Variants in ASTN2 observed in about 807,000 individuals in gnomAD.
ASTN2 encodes astrotactin 2.
Under a neutral mutation model 139.8 loss-of-function variants are expected in ASTN2, and 54 were observed. The observed-to-expected ratio is 0.39, with a 90% CI of 0.31 to 0.48. The LOEUF (loss-of-function observed/expected upper bound fraction) is 0.48. Ranked by LOEUF, ASTN2 falls within the 20% of genes least tolerant of loss-of-function variation. ASTN2 has a pLI of 0.95. For synonymous variants in ASTN2, 756 were observed against 719.5 expected, an observed-to-expected ratio of 1.05 and a Z score of -0.81; for missense variants, 1,565 against 1,725.1, an observed-to-expected ratio of 0.91 and a Z score of 1.64.
chr9:117,410,324 G>T (rs986598955), intron 1 of ASTN2, among the ~76,000 whole-genome samples: 2 of 152,098 alleles, frequency 1.3e-5, no homozygotes, highest in African/African-American at 4.8e-5. Context: ...TGACATACAG[G>T]TTCACCTTAG....
At chr9:117,048,962 G>GATTTTTTT (rs1838828395) in intron 5 of ASTN2, among the ~76,000 whole-genome samples, 1 of 50,322 alleles carries the variant, frequency 2.0e-5, no homozygotes, top group Non-Finnish European at 4.4e-5. Context: ...TTCATCCATT[G>GATTTTTTT]CTTTTTTTTT....
intron 11 of ASTN2, among the ~76,000 whole-genome samples, chr9:116,838,108 T>TTG (rs1564295620): frequency 6.6e-5 from 9 of 136,908 alleles, no homozygotes; most frequent in African/African-American, 2.2e-4. Flanking sequence ...TGTGTTTTTT[T>TTG]TTGTTTTGTT....
intron 5 of ASTN2, among the ~76,000 whole-genome samples, chr9:117,066,686 T>C (rs1176750920): frequency 6.6e-6 from 1 of 152,132 alleles, no homozygotes; most frequent in East Asian, 1.9e-4. Flanking sequence ...ACCTGTTGTT[T>C]CCTGACTTTT....
At chr9:116,725,498 T>A (rs1280482035) in intron 16 of ASTN2, among the ~76,000 whole-genome samples, 1 of 152,064 alleles carries the variant, frequency 6.6e-6, no homozygotes, top group Non-Finnish European at 1.5e-5. Context: ...GCAAAGTACC[T>A]GCAAGAGAAG....
chr9:117,324,691 T>C (rs1053015735), intron 1 of ASTN2, among the ~76,000 whole-genome samples: 1 of 151,956 alleles, frequency 6.6e-6, no homozygotes, highest in Non-Finnish European at 1.5e-5. Context: ...AATTATGCAA[T>C]CCCAGTACAT....
At chr9:116,798,321 G>A (rs1341152944) in intron 13 of ASTN2, among the ~76,000 whole-genome samples, 1 of 152,206 alleles carries the variant, frequency 6.6e-6, no homozygotes, top group African/African-American at 2.4e-5. Flanking sequence ...GTTCTGCAAG[G>A]CTTTTCCAGC....
intron 10 of ASTN2, among the ~76,000 whole-genome samples, chr9:116,868,270 T>C (rs1457999450): frequency 1.3e-5 from 2 of 152,178 alleles, no homozygotes; most frequent in African/African-American, 2.4e-5. Context: ...TTATACCCAA[T>C]GTGCAGCTGG....
At chr9:116,438,494 T>C (rs1206701389) in intron 22 of ASTN2, among the ~76,000 whole-genome samples, 2 of 152,160 alleles carry the variant, frequency 1.3e-5, no homozygotes, top group Non-Finnish European at 2.9e-5. Flanking sequence ...AAACACAGTG[T>C]TTACCAAAGT....
chr9:117,216,259 C>A (rs886155903), intron 2 of ASTN2, among the ~76,000 whole-genome samples: 2 of 152,190 alleles, frequency 1.3e-5, no homozygotes, highest in Admixed American at 1.3e-4. Flanking sequence ...AGAAAACTGG[C>A]ATGTTCTATT....
chr9:116,668,439 G>A (rs1269136393), intron 16 of ASTN2, among the ~76,000 whole-genome samples: 3 of 152,228 alleles, frequency 2.0e-5, no homozygotes, highest in East Asian at 1.9e-4. Context: ...TGATCCACCC[G>A]CCTCGGCCTC....
At chr9:117,052,558 A>G (rs539730305) in intron 5 of ASTN2, among the ~76,000 whole-genome samples, 3 of 152,340 alleles carry the variant, frequency 2.0e-5, no homozygotes, top group East Asian at 3.9e-4. Flanking sequence ...AGACCAATAC[A>G]TATAAATTCT....
At chr9:116,431,057 T>C (rs1847481432) in intron 22 of ASTN2, among the ~76,000 whole-genome samples, 1 of 152,110 alleles carries the variant, frequency 6.6e-6, no homozygotes, top group Non-Finnish European at 1.5e-5. Context: ...CACATACTAA[T>C]TTATTGTTTT....
At chr9:117,392,433 T>A (rs927209396) in intron 1 of ASTN2, among the ~76,000 whole-genome samples, 1 of 152,236 alleles carries the variant, frequency 6.6e-6, no homozygotes, top group African/African-American at 2.4e-5. Flanking sequence ...TATTTTCTTT[T>A]CTGTCATGGT....
chr9:117,240,306 G>A (rs188114591), intron 2 of ASTN2, among the ~76,000 whole-genome samples: 1 of 152,258 alleles, frequency 6.6e-6, no homozygotes, highest in East Asian at 1.9e-4. Context: ...GCTGAGATTT[G>A]AATCCCAAAA....
chr9:117,259,402 A>G (rs1833769186), intron 2 of ASTN2, among the ~76,000 whole-genome samples: 1 of 152,136 alleles, frequency 6.6e-6, no homozygotes. Flanking sequence ...TCAGGCCATG[A>G]TGGGAAGGGG....
chr9:116,658,046 G>T (rs1243124421), intron 16 of ASTN2, among the ~76,000 whole-genome samples: 2 of 152,116 alleles, frequency 1.3e-5, no homozygotes, highest in East Asian at 1.9e-4. Context: ...CACCATGCCT[G>T]GCTAATTTTT....
At chr9:116,507,367 G>A (rs867342612) in intron 19 of ASTN2, among the ~76,000 whole-genome samples, 7 of 152,122 alleles carry the variant, frequency 4.6e-5, no homozygotes, top group Admixed American at 1.3e-4. Flanking sequence ...AGGCACAGAA[G>A]GGAAAGTGAC....
intron 6 of ASTN2, among the ~76,000 whole-genome samples, chr9:117,013,710 C>T (rs909807472): frequency 6.6e-6 from 1 of 151,934 alleles, no homozygotes. Context: ...CTGGGGAGCT[C>T]AGGCCACTCT....
chr9:116,826,243 G>T (rs1482613879), intron 11 of ASTN2, among the ~76,000 whole-genome samples: 2 of 152,202 alleles, frequency 1.3e-5, no homozygotes, highest in Non-Finnish European at 2.9e-5. Flanking sequence ...CCACTGCCCT[G>T]CAAGGGGCTG....
Sources: allele counts gnomAD v4.1 joint callset (sites outside exome capture counted in the v4.1 genomes callset), GRCh38; gene constraint gnomAD v4.1.1; transcripts MANE v1.5; gene names NCBI Gene and HGNC (gene_info 2026-07-23, HGNC 2026-07-21).